Variants in KCNMA1 observed in about 807,000 individuals in gnomAD.
KCNMA1 encodes the protein Calcium-activated potassium channel subunit alpha-1.
A neutral mutation model predicts 140.0 loss-of-function variants in KCNMA1; 29 were observed. The observed-to-expected ratio is 0.21, with a 90% confidence interval of 0.15 to 0.28. KCNMA1 has a LOEUF of 0.28. Ranked by LOEUF, KCNMA1 falls within the 10% of genes least tolerant of loss-of-function variation. The pLI is 1.00. For missense variants in KCNMA1, 880 were observed against 1,602.2 expected (o/e 0.55, Z 7.70); for synonymous variants, 612 against 611.9 (o/e 1.00, Z 0.00).
chr10:77,102,284 T>G (rs764996354), intron 9 of KCNMA1, among the ~76,000 whole-genome samples: 5 of 152,132 alleles, frequency 3.3e-5, no homozygotes, highest in Non-Finnish European at 7.4e-5. Context: ...CCTTTAGAAA[T>G]CAGTCTAGAA....
chr10:77,333,910 A>G (rs1413622428), intron 2 of KCNMA1, among the ~76,000 whole-genome samples: 3 of 152,212 alleles, frequency 2.0e-5, no homozygotes, highest in African/African-American at 4.8e-5. Flanking sequence ...TTGTCTCACC[A>G]TGGCTTGAAT....
intron 15 of KCNMA1, among the ~76,000 whole-genome samples, chr10:77,028,203 C>G (rs757237238): frequency 6.6e-6 from 1 of 152,112 alleles, no homozygotes; most frequent in Non-Finnish European, 1.5e-5. Flanking sequence ...ATTAGTTACT[C>G]GGTCGGGTAG....
Position 77,637,731 on chromosome 10 carries a change from T to C in KCNMA1, c.-89A>G. The C allele has an allele frequency of 7.6e-7, 1 of 1,320,808 alleles. No homozygotes were observed. The highest frequency in any genetic ancestry group is 3.2e-5 in the East Asian group (1 of 31,088). 81.8% of individuals were successfully genotyped at this position (1,320,808 alleles called of 1,614,324 possible). On this transcript the variant is annotated 5_prime_UTR_variant, in exon 1 of 28. Coordinates refer to ENST00000286628, the MANE Select transcript of KCNMA1 (RefSeq NM_001161352.2). ...AAACACCCATCAACAGCCATATTGC[T>C]GCTACTGCTGCCGCCGCCGCCGCCG...
chr10:77,371,947 T>C (rs1027991788), intron 2 of KCNMA1, among the ~76,000 whole-genome samples: 5 of 152,226 alleles, frequency 3.3e-5, no homozygotes, highest in African/African-American at 7.2e-5. Context: ...CTCCTTTCCT[T>C]AAAGCATGGA....
downstream of KCNMA1, chr10:76,884,608 C>T (rs991933205): frequency 5.9e-5 from 11 of 184,994 alleles, no homozygotes; most frequent in Admixed American, 1.9e-4. Context: ...AGGGAGGCCA[C>T]GTGCAGATTA....
chr10:77,352,970 C>T (rs2093071633), intron 2 of KCNMA1, among the ~76,000 whole-genome samples: 2 of 152,198 alleles, frequency 1.3e-5, no homozygotes, highest in South Asian at 2.1e-4. Flanking sequence ...AAATGGGAAA[C>T]ATCAGTCTCT....
intron 2 of KCNMA1, among the ~76,000 whole-genome samples, chr10:77,308,841 A>G (rs1397242024): frequency 2.0e-5 from 3 of 152,202 alleles, no homozygotes; most frequent in Admixed American, 6.5e-5. Flanking sequence ...GATCCTCATG[A>G]GAAAGAATCC....
chr10:77,637,064 G>A (rs1285235293), intron 1 of KCNMA1: 4 of 1,374,140 alleles, frequency 2.9e-6, no homozygotes, highest in Non-Finnish European at 3.8e-6. Flanking sequence ...ACTGGCTGGG[G>A]GCAACTCCTC....
chr10:77,586,527 C>T (rs538734765), intron 1 of KCNMA1: 4 of 152,254 alleles, frequency 2.6e-5, no homozygotes, highest in South Asian at 2.1e-4. Flanking sequence ...CATTAGTAGA[C>T]AGTAAATGTC....
At chr10:76,887,619 G>A in intron 27 of KCNMA1, 104 bp from the exon 28 acceptor site, 1 of 1,321,142 alleles carries the variant, frequency 7.6e-7, no homozygotes, top group Admixed American at 1.8e-5. Flanking sequence ...GACTTTCAGA[G>A]GATCTGGAAG....
intron 3 of KCNMA1, among the ~76,000 whole-genome samples, chr10:77,224,658 C>A (rs929744776): frequency 1.3e-5 from 2 of 152,184 alleles, no homozygotes; most frequent in Admixed American, 6.5e-5. Context: ...CCTTGACTCA[C>A]TCCCATTGCA....
intron 2 of KCNMA1, among the ~76,000 whole-genome samples, chr10:77,360,942 TG>T (rs1345136863): frequency 1.3e-5 from 2 of 152,010 alleles, no homozygotes; most frequent in Non-Finnish European, 2.9e-5. Flanking sequence ...CTGGCAGCTC[TG>T]GGAGCCTCTG....
At chr10:77,116,091 G>A (rs879695809) in intron 6 of KCNMA1, among the ~76,000 whole-genome samples, 1 of 152,182 alleles carries the variant, frequency 6.6e-6, no homozygotes, top group Non-Finnish European at 1.5e-5. Flanking sequence ...GGCCAAACAC[G>A]AAGCTACCAG....
At chr10:76,927,009 G>C (rs1015056262) in intron 23 of KCNMA1, among the ~76,000 whole-genome samples, 1 of 152,166 alleles carries the variant, frequency 6.6e-6, no homozygotes, top group East Asian at 1.9e-4. Flanking sequence ...GATCACAGTC[G>C]TGGCAATGGC....
At chr10:77,205,947 T>C (rs1280124287) in intron 3 of KCNMA1, among the ~76,000 whole-genome samples, 1 of 152,212 alleles carries the variant, frequency 6.6e-6, no homozygotes, top group Admixed American at 6.5e-5. Context: ...GAAGCAGTGA[T>C]GTAAAACTGT....
chr10:77,073,311 T>C, intron 13 of KCNMA1, 59 bp from the exon 14 acceptor site: 1 of 1,573,496 alleles, frequency 6.4e-7, no homozygotes, highest in Middle Eastern at 1.7e-4. Flanking sequence ...TTGTTTAACA[T>C]TTCTTCTGGG....
intron 24 of KCNMA1, 150 bp from the exon 25 acceptor site, chr10:76,910,246 G>C (rs1258310312): frequency 1.3e-6 from 1 of 787,150 alleles, no homozygotes. Context: ...TTTGGGTAAG[G>C]GGGGCAGTGG....
At chr10:77,636,952 G>A (rs1430856611) in intron 1 of KCNMA1, 2 of 1,413,164 alleles carry the variant, frequency 1.4e-6, no homozygotes, top group Non-Finnish European at 1.8e-6. Context: ...CCCGCACCAC[G>A]GCACCCGAGC....
At chr10:76,964,658 A>G (rs1248097377) in intron 20 of KCNMA1, among the ~76,000 whole-genome samples, 1 of 152,206 alleles carries the variant, frequency 6.6e-6, no homozygotes, top group Non-Finnish European at 1.5e-5. Context: ...GACTTGGCTC[A>G]GTCCATTTTG....
Sources: allele counts gnomAD v4.1 joint callset (sites outside exome capture counted in the v4.1 genomes callset), GRCh38; gene constraint gnomAD v4.1.1; transcripts MANE v1.5; gene names NCBI Gene and HGNC (gene_info 2026-07-23, HGNC 2026-07-21).